Variants in PSMD12 observed in about 807,000 individuals in gnomAD.
The protein encoded by PSMD12 is proteasome 26S subunit, non-ATPase 12, also known as 26S proteasome non-ATPase regulatory subunit 12.
PSMD12 carries 8 observed loss-of-function variants against 62.9 expected under a neutral mutation model. The ratio of observed to expected loss-of-function variants is 0.13; its 90% CI spans 0.07 to 0.23. The LOEUF is 0.23. PSMD12 is among the 10% of genes least tolerant of loss of function. The pLI, the probability that PSMD12 is intolerant of heterozygous loss-of-function variation, is 1.00. For missense variants in PSMD12, 424 were observed against 550.2 expected (o/e 0.77, Z 2.29); for synonymous variants, 173 against 187.4 (o/e 0.92, Z 0.63).
chr17:67,362,800 ACT>A (rs2042145314), intron 1 of PSMD12: 1 of 151,982 alleles, frequency 6.6e-6, no homozygotes, highest in African/African-American at 2.4e-5. Context: ...AAGCTCTCTG[ACT>A]CTCAATTTTC....
intron 1 of PSMD12, among the ~76,000 whole-genome samples, chr17:67,360,534 C>A (rs763320775): frequency 6.6e-6 from 1 of 152,170 alleles, no homozygotes; most frequent in Non-Finnish European, 1.5e-5. Context: ...CAGTAGAATG[C>A]GAACTCTGTA....
intron 9 of PSMD12, among the ~76,000 whole-genome samples, chr17:67,343,520 C>T (rs1050361583): frequency 6.6e-6 from 1 of 152,170 alleles, no homozygotes; most frequent in Non-Finnish European, 1.5e-5. Context: ...TCACACTCCT[C>T]TTACAAACCT....
At chr17:67,358,825 C>T (rs912082108) in intron 1 of PSMD12, among the ~76,000 whole-genome samples, 1 of 152,154 alleles carries the variant, frequency 6.6e-6, no homozygotes, top group African/African-American at 2.4e-5. Context: ...TAAAGTCATG[C>T]TCTTGAGCAG....
At chr17:67,360,144 T>C (rs1023889458) in intron 1 of PSMD12, among the ~76,000 whole-genome samples, 5 of 152,232 alleles carry the variant, frequency 3.3e-5, no homozygotes, top group Admixed American at 2.0e-4. Context: ...CTATGGTTAC[T>C]ATCTGGCAAC....
chr17:67,359,508 T>C (rs1354240786), intron 1 of PSMD12, among the ~76,000 whole-genome samples: 4 of 152,230 alleles, frequency 2.6e-5, no homozygotes, highest in South Asian at 2.1e-4. Context: ...ATAACATTCA[T>C]GGATGATACG....
intron 3 of PSMD12, chr17:67,355,257 A>G (rs2143716963): frequency 6.6e-6 from 1 of 152,080 alleles, no homozygotes; most frequent in South Asian, 2.1e-4. Context: ...ACACTCAGCT[A>G]ATTTTTGTAT....
At chr17:67,355,894 G>A (rs1423208836) in intron 3 of PSMD12, among the ~76,000 whole-genome samples, 1 of 152,000 alleles carries the variant, frequency 6.6e-6, no homozygotes, top group Non-Finnish European at 1.5e-5. Context: ...TTGGGAGGCT[G>A]AGGTGGGAGG....
At chr17:67,354,758 G>C (rs1040343921) in intron 3 of PSMD12, among the ~76,000 whole-genome samples, 1 of 152,152 alleles carries the variant, frequency 6.6e-6, no homozygotes, top group Non-Finnish European at 1.5e-5. Context: ...GAGAAGCTGA[G>C]GTGGGTGGAT....
intron 5 of PSMD12, among the ~76,000 whole-genome samples, chr17:67,348,041 G>T (rs2041984043): frequency 6.6e-6 from 1 of 152,182 alleles, no homozygotes; most frequent in Non-Finnish European, 1.5e-5. Flanking sequence ...TATCTGAGCT[G>T]ATTTTATCTT....
intron 3 of PSMD12, chr17:67,355,258 ATTTTTGTAT>A (rs938068284): frequency 3.3e-5 from 5 of 152,006 alleles, no homozygotes; most frequent in South Asian, 2.1e-4. Context: ...CACTCAGCTA[ATTTTTGTAT>A]TTTTTGTATA....
intron 1 of PSMD12, among the ~76,000 whole-genome samples, chr17:67,361,499 T>G (rs1016122380): frequency 2.6e-5 from 4 of 152,060 alleles, no homozygotes; most frequent in African/African-American, 9.7e-5. Flanking sequence ...CAAGAATCAC[T>G]TGAACCCGGG....
At chr17:67,352,743 G>C (rs1258885432) in intron 3 of PSMD12, among the ~76,000 whole-genome samples, 2 of 152,174 alleles carry the variant, frequency 1.3e-5, no homozygotes, top group African/African-American at 4.8e-5. Flanking sequence ...TCTGAGTAGT[G>C]ATGAAATCAA....
chr17:67,364,669 G>GT (rs2042163200), intron 1 of PSMD12, among the ~76,000 whole-genome samples: 1 of 152,196 alleles, frequency 6.6e-6, no homozygotes. Flanking sequence ...ACCTTGGCCT[G>GT]TATGTTTTGT....
intron 3 of PSMD12, among the ~76,000 whole-genome samples, chr17:67,356,757 T>C (rs1043930803): frequency 2.0e-5 from 3 of 151,906 alleles, no homozygotes; most frequent in African/African-American, 7.3e-5. Flanking sequence ...ATGCCTGTAA[T>C]TCTAGCATTT....
At chr17:67,362,273 G>A (rs2042137767) in intron 1 of PSMD12, among the ~76,000 whole-genome samples, 1 of 152,160 alleles carries the variant, frequency 6.6e-6, no homozygotes, top group Non-Finnish European at 1.5e-5. Context: ...CTGAATACAA[G>A]GCAAAGAGAT....
chr17:67,365,990 G>A (rs185566434), intron 1 of PSMD12, among the ~76,000 whole-genome samples: 2 of 152,134 alleles, frequency 1.3e-5, no homozygotes, highest in East Asian at 3.9e-4. Context: ...CCTGGCCAAA[G>A]ACCAGGCACA....
In PSMD12 at chr17:67,338,352, A is replaced by G. The variant is rs1266137908; in HGVS notation, c.*2491T>C. On this transcript the variant is annotated 3_prime_UTR_variant, in exon 11 of 11. Coordinates refer to ENST00000356126, the MANE Select transcript of PSMD12 (RefSeq NM_002816.5). Reference sequence around the variant, plus strand: ...AGGTTCCGAACAACTCAAATATTTCACTATTGTACTTTATGCTAATGAATT... The same window carrying G: ...AGGTTCCGAACAACTCAAATATTTCGCTATTGTACTTTATGCTAATGAATT... 1 of 152,242 alleles carries G rather than the reference A, an allele frequency of 6.6e-6. No homozygotes were observed. The highest frequency in any genetic ancestry group is 1.5e-5 in the Non-Finnish European group (1 of 68,048). The allele number at this position is 152,242 out of a possible 1,614,324, so 9.4% of individuals were successfully genotyped here.
At chr17:67,365,877 CTCACCACCATGCA>C (rs1339099225) in intron 1 of PSMD12, among the ~76,000 whole-genome samples, 1 of 152,080 alleles carries the variant, frequency 6.6e-6, no homozygotes, top group Non-Finnish European at 1.5e-5. Flanking sequence ...TTGTATGGCC[CTCACCACCATGCA>C]TGACTTGACT....
At chr17:67,358,268 T>G (rs1261335554) in intron 1 of PSMD12, among the ~76,000 whole-genome samples, 1 of 151,912 alleles carries the variant, frequency 6.6e-6, no homozygotes, top group Middle Eastern at 3.2e-3. Flanking sequence ...ACATGTGTCT[T>G]TAAAGAATAA....
Sources: allele counts gnomAD v4.1 joint callset (sites outside exome capture counted in the v4.1 genomes callset), GRCh38; gene constraint gnomAD v4.1.1; transcripts MANE v1.5; gene names NCBI Gene and HGNC (gene_info 2026-07-23, HGNC 2026-07-21).